Variants in JAM3 observed in about 807,000 individuals in gnomAD.
JAM3 encodes junctional adhesion molecule C.
In JAM3, 31 loss-of-function variants were observed where a neutral mutation model predicts 39.4. The ratio of observed to expected loss-of-function variants is 0.79; its 90% CI spans 0.59 to 1.06. JAM3 has a LOEUF of 1.06. Ranked by LOEUF, JAM3 falls within the 50% of genes least tolerant of loss-of-function variation. The pLI, the probability that JAM3 is intolerant of heterozygous loss-of-function variation, is 0.00. For missense variants in JAM3, 455 were observed against 391.4 expected (o/e 1.16, Z -1.37); for synonymous variants, 182 against 148.7 (o/e 1.22, Z -1.63).
chr11:134,102,732 G>T (rs1942099673), intron 1 of JAM3, among the ~76,000 whole-genome samples: 1 of 152,228 alleles, frequency 6.6e-6, no homozygotes, highest in Non-Finnish European at 1.5e-5. Context: ...AGCTTTAGTA[G>T]CTGATTCAAT....
intron 4 of JAM3, 109 bp from the exon 5 acceptor site, chr11:134,144,677 TGGCGTG>T (rs978239782): frequency 6.2e-6 from 6 of 968,364 alleles, no homozygotes; most frequent in Middle Eastern, 6.1e-4. Context: ...GGAACAGCAG[TGGCGTG>T]GGAACCCCTC....
In JAM3 at chr11:134,148,786, G is replaced by C. The variant is rs1943128174; in HGVS notation, c.865G>C (p.Asp289His). Residue 289 changes from aspartate to histidine, a missense_variant, in exon 8 of 9, where the codon GAT becomes CAT. Asp to His is a moderately conservative substitution (Grantham distance 81, BLOSUM62 -1). Coordinates refer to ENST00000299106, the MANE Select transcript of JAM3 (RefSeq NM_032801.5). ...GESYKNPGKP[D>H]GVNYIRTDEE... ...TAGTTACAAGAACCCAGGGAAACCA[G>C]ATGGAGTTAACTACATCCGCACTGA... The C allele has an allele frequency of 1.9e-6, 3 of 1,614,042 alleles. No individual in the cohort carries two copies.
At chr11:134,137,755 C>G (rs375725841) in intron 1 of JAM3, among the ~76,000 whole-genome samples, 1 of 108,392 alleles carries the variant, frequency 9.2e-6, no homozygotes, top group East Asian at 2.9e-4. Flanking sequence ...AGTCGTGGTG[C>G]TCATACTGAG....
intron 1 of JAM3, among the ~76,000 whole-genome samples, chr11:134,099,608 GTTTA>G (rs1020122356): frequency 5.4e-4 from 82 of 152,120 alleles, no homozygotes; most frequent in African/African-American, 1.6e-3. Context: ...CTATTTATTT[GTTTA>G]TTTATTTAGG....
At position 134,149,269 on chromosome 11, in the gene JAM3, T is replaced by C; in HGVS notation, c.*88T>C. ...GTCAAGGCAGCGAGAGCTGATGCAC[T>C]CGGACAGAGCTAGACACTCATTCAG... On this transcript the variant is annotated 3_prime_UTR_variant, in exon 9 of 9. Coordinates refer to ENST00000299106, the MANE Select transcript of JAM3 (RefSeq NM_032801.5). 6.7e-7 allele frequency: 1 copy of C among 1,502,546 alleles called. No individual in the cohort carries two copies. Among genetic ancestry groups the C allele is most frequent in the Non-Finnish European group, 9.2e-7 (1 of 1,083,626 alleles). 93.1% of individuals were successfully genotyped at this position (1,502,546 alleles called of 1,614,324 possible).
At chr11:134,083,462 A>G (rs1263624763) in intron 1 of JAM3, among the ~76,000 whole-genome samples, 1 of 152,194 alleles carries the variant, frequency 6.6e-6, no homozygotes, top group Non-Finnish European at 1.5e-5. Context: ...CAAATTGCAA[A>G]AAACATTCCT....
chr11:134,150,786 C>T lies in JAM3; in HGVS notation c.*1605C>T, dbSNP rs569822596. 7 of 152,104 alleles carry T rather than the reference C, an allele frequency of 4.6e-5. No individual in the cohort carries two copies. Among genetic ancestry groups the T allele is most frequent in the Non-Finnish European group, 7.3e-5 (5 of 68,032 alleles). The allele number at this position is 152,104 out of a possible 1,614,324, so 9.4% of individuals were successfully genotyped here. A position where few individuals can be genotyped will look rare whatever the true frequency, so the allele number is the denominator to read the frequency against. ...CTTTGCCACAGAGAAAGCACCCAGA[C>T]GCCACAGGCTCTGTCGCATTTCAAA... On this transcript the variant is annotated 3_prime_UTR_variant, in exon 9 of 9. Transcript: ENST00000299106.
In JAM3 at chr11:134,148,557, C is replaced by T. The variant is rs1194171716; in HGVS notation, c.723C>T (p.Asn241=). 1.2e-6 allele frequency: 2 copies of T among 1,614,146 alleles called. No homozygotes were observed. The highest frequency in any genetic ancestry group is 8.5e-7 in the Non-Finnish European group (1 of 1,180,032). ...EEQEMEVYDL[N]IGGIIGGVLV... The stretch of plus-strand genomic sequence containing the variant: ...CCTCCTTTTCTTCAGATGACCTGAA[C>T]ATTGGCGGAATTATTGGGGGGGTTC... The change falls in exon 7 of 9, where the codon AAC becomes AAT. Residue 241 remains asparagine, a synonymous_variant. Transcript: ENST00000299106.
At chr11:134,122,380 C>T (rs1565496576) in intron 1 of JAM3, among the ~76,000 whole-genome samples, 1 of 152,128 alleles carries the variant, frequency 6.6e-6, no homozygotes, top group Non-Finnish European at 1.5e-5. Flanking sequence ...TGCAAGAGCC[C>T]CTGATGGTAC....
At chr11:134,100,673 C>T (rs887297964) in intron 1 of JAM3, among the ~76,000 whole-genome samples, 2 of 152,116 alleles carry the variant, frequency 1.3e-5, no homozygotes, top group Non-Finnish European at 2.9e-5. Flanking sequence ...TGCGTCAGGT[C>T]CTGTACTCAG....
intron 3 of JAM3, among the ~76,000 whole-genome samples, chr11:134,142,412 C>T (rs1004777517): frequency 2.0e-5 from 3 of 152,148 alleles, no homozygotes; most frequent in Non-Finnish European, 2.9e-5. Flanking sequence ...TTGTTGCCAA[C>T]GTCTGTGCTC....
chr11:134,114,419 A>G (rs982179660), intron 1 of JAM3, among the ~76,000 whole-genome samples: 7 of 152,138 alleles, frequency 4.6e-5, no homozygotes, highest in Non-Finnish European at 7.3e-5. Context: ...CAGTTTTCCC[A>G]GCACCATTTA....
chr11:134,096,139 C>G lies in JAM3; in HGVS notation c.76+26980C>G, dbSNP rs966970392. On this transcript the variant is annotated intron_variant, in intron 1 of 8. Transcript: ENST00000299106. ...TGACAGGTGCGCGCCACTACACCTGCCTGAGTTTTGTATTTTTAGTAGAGA... is the reference window on the plus strand; with the variant it reads ...TGACAGGTGCGCGCCACTACACCTGGCTGAGTTTTGTATTTTTAGTAGAGA... Among the ~76,000 whole-genome samples, 3 of 152,002 alleles carry G rather than the reference C, an allele frequency of 2.0e-5. No individual in the cohort carries two copies. In the East Asian group the frequency reaches 5.8e-4, roughly 29 times the overall value.
At chr11:134,091,346 T>G (rs1249406543) in intron 1 of JAM3, among the ~76,000 whole-genome samples, 1 of 151,888 alleles carries the variant, frequency 6.6e-6, no homozygotes, top group Non-Finnish European at 1.5e-5. Context: ...ATTAAAAAAA[T>G]TAGCCAGGTG....
intron 1 of JAM3, among the ~76,000 whole-genome samples, chr11:134,123,617 CTCTT>C (rs1942580809): frequency 1.3e-5 from 2 of 152,192 alleles, no homozygotes; most frequent in South Asian, 4.1e-4. Flanking sequence ...AATTCCTTTT[CTCTT>C]TCTCTTTTCT....
intron 1 of JAM3, among the ~76,000 whole-genome samples, chr11:134,097,548 T>G (rs1199507201): frequency 6.6e-6 from 1 of 152,192 alleles, no homozygotes; most frequent in African/African-American, 2.4e-5. Flanking sequence ...ATACTGGGTT[T>G]GAGGAGCAGG....
rs1943243422 is a variant in JAM3, at chr11:134,151,753, A to G, written c.*2572A>G. On this transcript the variant is annotated 3_prime_UTR_variant, in exon 9 of 9. Transcript: ENST00000299106. ...TTTATAAAAGCTTCAAAAAAACCCA[A>G]ACATTGCTTCATTCTTTGTTATTTG... The G allele has an allele frequency of 6.6e-6, 1 of 152,132 alleles. No individual in the cohort carries two copies. Among genetic ancestry groups the G allele is most frequent in the Non-Finnish European group, 1.5e-5 (1 of 68,014 alleles). The allele number at this position is 152,132 out of a possible 1,614,324, so 9.4% of individuals were successfully genotyped here.
chr11:134,088,963 T>C (rs1017881005), intron 1 of JAM3, among the ~76,000 whole-genome samples: 2 of 152,202 alleles, frequency 1.3e-5, no homozygotes, highest in Admixed American at 6.5e-5. Context: ...CAACATTTAT[T>C]AAGGGCAGTC....
chr11:134,144,318 C>T lies in JAM3; in HGVS notation c.334C>T (p.Leu112Phe). The stretch of plus-strand genomic sequence containing the variant: ...GAATGTGACACGGAGAGACTCAGCC[C>T]TTTATCGCTGTGAGGTCGTTGCTCG... ...IWNVTRRDSA[L>F]YRCEVVARND... The change falls in exon 4 of 9, where the codon CTT becomes TTT. Residue 112 changes from leucine to phenylalanine, a missense_variant. Physicochemically the swap from Leu to Phe is conservative, Grantham distance 22. Coordinates refer to ENST00000299106, the MANE Select transcript of JAM3 (RefSeq NM_032801.5). 6.2e-7 allele frequency: 1 copy of T among 1,614,186 alleles called. No homozygotes were observed. Among genetic ancestry groups the T allele is most frequent in the Non-Finnish European group, 8.5e-7 (1 of 1,180,040 alleles).
Sources: gnomAD v4.1 joint callset for allele counts (sites outside exome capture counted in the v4.1 genomes callset) on GRCh38, gnomAD v4.1.1 for gene constraint, MANE v1.5 for transcripts, NCBI Gene and HGNC (gene_info 2026-07-23, HGNC 2026-07-21) for gene names.